NSA2: variants seen among roughly 807,000 people sequenced by gnomAD.
NSA2 encodes the protein ribosome biogenesis protein NSA2 homolog.
A neutral mutation model predicts 34.8 loss-of-function variants in NSA2; 18 were observed. The observed-to-expected ratio is 0.52, with a 90% CI of 0.36 to 0.77. The LOEUF is 0.77. Among genes scored for constraint, NSA2 ranks in the 30% least tolerant of loss-of-function variants. The pLI is 0.00. For synonymous variants in NSA2, 79 were observed against 100.2 expected (o/e 0.79, Z 1.26); for missense variants, 188 against 314.7 (o/e 0.60, Z 3.05).
At position 74,778,292 on chromosome 5, in the gene NSA2, T is replaced by G. The variant is rs1477566766; in HGVS notation, c.*1621T>G. Reference sequence around the variant, plus strand: ...GATGAGTAATATTAGTATAAATTTTTTATGTACATTAAGATCTGTTTCAGT... The same window carrying G: ...GATGAGTAATATTAGTATAAATTTTGTATGTACATTAAGATCTGTTTCAGT... On this transcript the variant is annotated 3_prime_UTR_variant, in exon 6 of 6. Coordinates refer to ENST00000610426, the MANE Select transcript of NSA2 (RefSeq NM_014886.6). 6.6e-6 allele frequency: 1 copy of G among 152,064 alleles called. No individual in the cohort carries two copies. The highest frequency in any genetic ancestry group is 2.4e-5 in the African/African-American group (1 of 41,454). 9.4% of individuals were successfully genotyped at this position (152,064 alleles called of 1,614,324 possible). A position where few individuals can be genotyped will look rare whatever the true frequency, so the allele number is the denominator to read the frequency against.
Position 74,767,339 on chromosome 5 carries a change from T to G in NSA2, c.-22T>G, listed in dbSNP as rs759771167. ...GTTTTCGCACTCCAGCGGCTGCTCC[T>G]GGCGGCTCTGCGGCCGTCACCATGG... On this transcript the variant is annotated 5_prime_UTR_variant, in exon 1 of 6. Transcript: ENST00000610426. 6.2e-6 allele frequency: 10 copies of G among 1,613,426 alleles called. No individual in the cohort carries two copies. The South Asian group carries it at 8.8e-5, about 14-fold the overall frequency.
intron 1 of NSA2, among the ~76,000 whole-genome samples, 176 bp downstream of exon 1, chr5:74,767,539 G>A (rs532371551): frequency 1.0e-3 from 159 of 152,324 alleles, no homozygotes; most frequent in Non-Finnish European, 2.1e-3. Context: ...CTTCACATTC[G>A]AGACACAGAC....
chr5:74,767,275 T>G lies in NSA2; in HGVS notation c.-86T>G. 6.5e-7 allele frequency: 1 copy of G among 1,530,538 alleles called. No individual in the cohort carries two copies. Among genetic ancestry groups the G allele is most frequent in the Non-Finnish European group, 9.0e-7 (1 of 1,106,342 alleles). 94.8% of individuals were successfully genotyped at this position (1,530,538 alleles called of 1,614,324 possible). On this transcript the variant is annotated 5_prime_UTR_variant, in exon 1 of 6. Coordinates refer to ENST00000610426, the MANE Select transcript of NSA2 (RefSeq NM_014886.6). ...CTCTTTCCTGTCCCGGCCTGCGTGG[T>G]GTGGGCTTGTGGGTCTTTGAGACCC...
Position 74,777,135 on chromosome 5 carries a change from A to G in NSA2, c.*464A>G, listed in dbSNP as rs1328416705. 1.3e-5 allele frequency: 2 copies of G among 152,464 alleles called. No individual in the cohort carries two copies. Among genetic ancestry groups the G allele is most frequent in the Non-Finnish European group, 2.9e-5 (2 of 68,202 alleles). 9.4% of individuals were successfully genotyped at this position (152,464 alleles called of 1,614,324 possible). ...CACTAGAAGTATGTGAGAAGACACT[A>G]AAAGTTCAGAAATCTTAGAGAAATC... On this transcript the variant is annotated 3_prime_UTR_variant, in exon 6 of 6. Coordinates refer to ENST00000610426, the MANE Select transcript of NSA2 (RefSeq NM_014886.6).
At chr5:74,770,880 C>A in intron 4 of NSA2, 70 bp downstream of exon 4, 1 of 1,177,418 alleles carries the variant, frequency 8.5e-7, no homozygotes, top group Non-Finnish European at 1.2e-6. Flanking sequence ...AGAACATTAT[C>A]ATTTCCTGAA....
intron 4 of NSA2, chr5:74,771,660 A>C (rs1254073698): frequency 1.3e-5 from 2 of 151,940 alleles, no homozygotes; most frequent in Non-Finnish European, 2.9e-5. Context: ...ATCCTGGCTA[A>C]CACTGTGAAA....
In NSA2 at chr5:74,776,709, A is replaced by C. The variant is rs753262891; in HGVS notation, c.*38A>C. The C allele has an allele frequency of 5.8e-6, 6 of 1,035,850 alleles. No individual in the cohort carries two copies. The African/African-American group carries it at 7.8e-5, about 14-fold the overall frequency. The allele number at this position is 1,035,850 out of a possible 1,614,324, so 64.2% of individuals were successfully genotyped here. A position where few individuals can be genotyped will look rare whatever the true frequency, so the allele number is the denominator to read the frequency against. ...ATATAATTATTGAGGACTACACACC[A>C]ATTGAAGAAACTGCCATTACTGTGA... On this transcript the variant is annotated 3_prime_UTR_variant, in exon 6 of 6. Coordinates refer to ENST00000610426, the MANE Select transcript of NSA2 (RefSeq NM_014886.6).
At position 74,770,953 on chromosome 5, in the gene NSA2, G is replaced by A. The variant is rs562964187; in HGVS notation, c.522+143G>A. ...TTTATGCAATTTTTGTTATTTTATT[G>A]ACAGAAGTTATTTAGTACTTTTTCC... On this transcript the variant is annotated intron_variant, in intron 4 of 5. Coordinates refer to ENST00000610426, the MANE Select transcript of NSA2 (RefSeq NM_014886.6). 2.9e-5 allele frequency: 21 copies of A among 731,856 alleles called. No individual in the cohort carries two copies. The South Asian group carries it at 5.2e-4, about 18-fold the overall frequency. 45.3% of individuals were successfully genotyped at this position (731,856 alleles called of 1,614,324 possible).
chr5:74,770,940 T>C (rs1213281048), intron 4 of NSA2, 130 bp downstream of exon 4: 1 of 793,618 alleles, frequency 1.3e-6, no homozygotes, highest in African/African-American at 1.8e-5. Flanking sequence ...TATGCAATTT[T>C]TGTTATTTTA....
chr5:74,767,428 G>A, intron 1 of NSA2, 65 bp downstream of exon 1: 1 of 1,594,668 alleles, frequency 6.3e-7, no homozygotes, highest in Non-Finnish European at 8.6e-7. Flanking sequence ...TGAGGACTCT[G>A]GGGCGCTGGG....
intron 3 of NSA2, 22 bp downstream of exon 3, chr5:74,769,386 C>A (rs761055900): frequency 5.1e-6 from 8 of 1,562,994 alleles, no homozygotes; most frequent in Non-Finnish European, 6.9e-6. Flanking sequence ...CAATTGAAGT[C>A]TTTGTTTTGT....
At position 74,772,528 on chromosome 5, in the gene NSA2, T is replaced by C. The variant is rs538035611; in HGVS notation, c.523-1340T>C. ...GTTCATTTACATATTGCATAACCCC[T>C]ACCCCTAGAATTGAGCAGTTGCAAC... is the stretch of plus-strand genomic sequence containing the variant. On this transcript the variant is annotated intron_variant, in intron 4 of 5. Transcript: ENST00000610426. Among the ~76,000 whole-genome samples, 214 of 152,322 alleles carry C rather than the reference T, an allele frequency of 1.4e-3. 2 individuals are homozygous for C. The highest frequency in any genetic ancestry group is 4.2e-3 in the Admixed American group (64 of 15,298).
At chr5:74,772,886 G>A (rs1284490041) in intron 4 of NSA2, among the ~76,000 whole-genome samples, 1 of 152,160 alleles carries the variant, frequency 6.6e-6, no homozygotes, top group African/African-American at 2.4e-5. Context: ...AATGAAGACT[G>A]CAAAATGTTG....
intron 5 of NSA2, among the ~76,000 whole-genome samples, chr5:74,776,373 G>A (rs1415258624): frequency 2.0e-5 from 3 of 152,134 alleles, no homozygotes; most frequent in Non-Finnish European, 4.4e-5. Flanking sequence ...AGGCAGTGGC[G>A]TGTGCCTGTG....
chr5:74,768,903 T>G, intron 1 of NSA2, 28 bp from the exon 2 acceptor site: 1 of 1,481,176 alleles, frequency 6.8e-7, no homozygotes, highest in South Asian at 1.3e-5. Flanking sequence ...TTTAAAAAAT[T>G]AAAATAATAT....
At position 74,770,628 on chromosome 5, in the gene NSA2, T is replaced by C; in HGVS notation, c.343-3T>C. The stretch of plus-strand genomic sequence containing the variant: ...TAAACTTTTAACTGTGGCATATTTT[T>C]AGGGAAAATGGGAAGTCCCTCTGCC... On this transcript the variant is annotated splice_polypyrimidine_tract_variant and splice_region_variant and intron_variant, in intron 3 of 5. Transcript: ENST00000610426. 2 of 1,571,224 alleles carry C rather than the reference T, an allele frequency of 1.3e-6. No homozygotes were observed. Among genetic ancestry groups the C allele is most frequent in the Non-Finnish European group, 1.7e-6 (2 of 1,162,664 alleles).
rs889556728 is a variant in NSA2, at chr5:74,770,683, T to C, written c.395T>C (p.Val132Ala). 1.9e-6 allele frequency: 3 copies of C among 1,612,504 alleles called. No individual in the cohort carries two copies. The highest frequency in any genetic ancestry group is 3.3e-4 in the Middle Eastern group (2 of 6,078). Residue 132 changes from valine to alanine, a missense_variant, in exon 4 of 6, where the codon GTA becomes GCA. Val to Ala is a moderately conservative substitution (Grantham distance 64). Transcript: ENST00000610426. ...PKVRAQGETE[V>A]LKVIRTGKRK... Reference sequence around the variant, plus strand: ...GTACGTGCCCAGGGAGAAACAGAAGTATTAAAAGTTATTCGAACAGGAAAG... The same window carrying C: ...GTACGTGCCCAGGGAGAAACAGAAGCATTAAAAGTTATTCGAACAGGAAAG...
At chr5:74,769,536 G>A in intron 3 of NSA2, 172 bp downstream of exon 3, 1 of 493,862 alleles carries the variant, frequency 2.0e-6, no homozygotes, top group South Asian at 5.8e-5. Flanking sequence ...TCATCATAAG[G>A]TTTTAAAATT....
chr5:74,771,489 T>G (rs1313367882), intron 4 of NSA2: 1 of 152,118 alleles, frequency 6.6e-6, no homozygotes, highest in Non-Finnish European at 1.5e-5. Flanking sequence ...GTTCGAAAAC[T>G]TGAGTAGGAC....
Sources: gnomAD v4.1 joint callset for allele counts (sites outside exome capture counted in the v4.1 genomes callset) on GRCh38, gnomAD v4.1.1 for gene constraint, MANE v1.5 for transcripts, NCBI Gene and HGNC (gene_info 2026-07-23, HGNC 2026-07-21) for gene names.